Variants in TRHDE observed in about 807,000 individuals in gnomAD.
TRHDE encodes the protein thyrotropin-releasing hormone-degrading ectoenzyme.
TRHDE carries 72 observed loss-of-function variants against 125.7 expected under a neutral mutation model. That is an observed-to-expected ratio of 0.57 (90% CI 0.47 to 0.70). The LOEUF (loss-of-function observed/expected upper bound fraction) is 0.70, where lower values mean the gene tolerates loss of function less well. Ranked by LOEUF, TRHDE falls within the 30% of genes least tolerant of loss-of-function variation. The pLI, the probability that TRHDE is intolerant of heterozygous loss-of-function variation, is 0.00. For missense variants in TRHDE, 1,110 were observed against 1,327.1 expected (o/e 0.84, Z 2.54); for synonymous variants, 509 against 509.1 (o/e 1.00, Z 0.00).
intron 3 of TRHDE, among the ~76,000 whole-genome samples, chr12:72,468,211 C>T (rs1053003205): frequency 6.6e-6 from 1 of 152,132 alleles, no homozygotes; most frequent in African/African-American, 2.4e-5. Context: ...TGGTGTTATT[C>T]TACTTGTTTT....
chr12:72,573,506 T>C (rs1216706911), intron 10 of TRHDE, among the ~76,000 whole-genome samples: 1 of 151,880 alleles, frequency 6.6e-6, no homozygotes, highest in Non-Finnish European at 1.5e-5. Context: ...CATTGAATCA[T>C]AGATTTGGAA....
chr12:72,464,865 G>A (rs1388043994), intron 3 of TRHDE, among the ~76,000 whole-genome samples: 1 of 152,136 alleles, frequency 6.6e-6, no homozygotes, highest in African/African-American at 2.4e-5. Context: ...AGGCAAACAA[G>A]TAGAGCAAGT....
intron 12 of TRHDE, among the ~76,000 whole-genome samples, chr12:72,617,852 C>T (rs1438950925): frequency 6.6e-6 from 1 of 152,090 alleles, no homozygotes; most frequent in Non-Finnish European, 1.5e-5. Flanking sequence ...GGCACTAATC[C>T]CATTTGTGAA....
chr12:72,146,796 C>T (rs898102138), intron 2 of TRHDE, among the ~76,000 whole-genome samples: 10 of 152,248 alleles, frequency 6.6e-5, no homozygotes, highest in African/African-American at 2.4e-4. Context: ...GCCGGTATGA[C>T]TGCCTTCTGT....
At chr12:72,613,299 A>G (rs920598797) in intron 12 of TRHDE, among the ~76,000 whole-genome samples, 2 of 152,226 alleles carry the variant, frequency 1.3e-5, no homozygotes, top group African/African-American at 4.8e-5. Flanking sequence ...GCTGTTGTCT[A>G]GATAGCAGTG....
chr12:72,230,771 A>G (rs561215949), intron 2 of TRHDE, among the ~76,000 whole-genome samples: 1 of 152,202 alleles, frequency 6.6e-6, no homozygotes, highest in South Asian at 2.1e-4. Context: ...TTACTGTAAA[A>G]TTCCACTCCA....
Position 72,663,217 on chromosome 12 carries a change from C to T in TRHDE, c.*22C>T. On this transcript the variant is annotated 3_prime_UTR_variant, in exon 19 of 19. Transcript: ENST00000261180. Reference sequence around the variant, plus strand: ...CTAATATATGTATCTTATAAACAAACAATTCAACTCAGAAGTTTATGAGAA... The same window carrying T: ...CTAATATATGTATCTTATAAACAAATAATTCAACTCAGAAGTTTATGAGAA... 1.2e-5 allele frequency: 18 copies of T among 1,549,126 alleles called. No homozygotes were observed. Among genetic ancestry groups the T allele is most frequent in the Non-Finnish European group, 1.6e-5 (18 of 1,143,516 alleles).
chr12:72,605,844 G>T (rs1362892189), intron 12 of TRHDE, among the ~76,000 whole-genome samples: 1 of 152,026 alleles, frequency 6.6e-6, no homozygotes, highest in Non-Finnish European at 1.5e-5. Flanking sequence ...TCTTTGACGA[G>T]CTCTAATATC....
chr12:72,338,917 CTT>C (rs1869954865), intron 2 of TRHDE, among the ~76,000 whole-genome samples: 1 of 152,138 alleles, frequency 6.6e-6, no homozygotes, highest in Non-Finnish European at 1.5e-5. Context: ...AACGCTTTCT[CTT>C]TTGAAATTGG....
chr12:72,388,862 T>C (rs1872529921), intron 3 of TRHDE, among the ~76,000 whole-genome samples: 2 of 151,428 alleles, frequency 1.3e-5, no homozygotes, highest in Admixed American at 1.3e-4. Flanking sequence ...GTTTTTGCAA[T>C]TGGAAAATGA....
chr12:72,579,224 C>A (rs969518783), intron 12 of TRHDE, among the ~76,000 whole-genome samples: 29 of 151,798 alleles, frequency 1.9e-4, no homozygotes, highest in Admixed American at 1.8e-3. Context: ...TCCAATTTAA[C>A]CCTCCATCAA....
intron 2 of TRHDE, among the ~76,000 whole-genome samples, chr12:72,342,755 A>G (rs1051898684): frequency 2.0e-5 from 3 of 152,112 alleles, no homozygotes; most frequent in African/African-American, 7.2e-5. Context: ...CTTCACTATA[A>G]TGTTGTGTAA....
intron 5 of TRHDE, among the ~76,000 whole-genome samples, chr12:72,481,604 A>G (rs1013413264): frequency 1.2e-4 from 18 of 149,286 alleles, no homozygotes; most frequent in Admixed American, 8.0e-4. Context: ...TATTGGCTAG[A>G]TCACTGTTCA....
intron 3 of TRHDE, among the ~76,000 whole-genome samples, chr12:72,448,096 G>A (rs1875388464): frequency 6.6e-6 from 1 of 152,026 alleles, no homozygotes; most frequent in South Asian, 2.1e-4. Flanking sequence ...TTGAAAGCCT[G>A]TTTCACTATC....
intron 7 of TRHDE, among the ~76,000 whole-genome samples, chr12:72,553,580 A>G (rs536478360): frequency 6.6e-6 from 1 of 152,108 alleles, no homozygotes; most frequent in African/African-American, 2.4e-5. Context: ...AGTAGAGCTC[A>G]GTGAAAGACA....
intron 10 of TRHDE, among the ~76,000 whole-genome samples, chr12:72,571,615 A>C (rs1870735399): frequency 6.6e-6 from 1 of 152,184 alleles, no homozygotes; most frequent in African/African-American, 2.4e-5. Flanking sequence ...TGCAAATACC[A>C]AAAATTCAGA....
Position 72,286,842 on chromosome 12 carries a change from A to T in TRHDE, c.1076A>T (p.Asp359Val). Residue 359 changes from aspartate to valine, a missense_variant, in exon 2 of 19, where the codon GAT becomes GTT. Around this residue, in one of 5 missense-constraint regions of TRHDE, gnomAD observed 252 missense variants for 274.8 expected, o/e 0.92. Coordinates refer to ENST00000261180, the MANE Select transcript of TRHDE (RefSeq NM_013381.3). ...MPVETSVFEE[D>V]GWVTDHFSQT... ...GTGGAAACTTCCGTGTTTGAGGAAG[A>T]TGGATGGGTTACGGATCACTTTTCA... The T allele has an allele frequency of 1.2e-6, 2 of 1,613,910 alleles. No individual in the cohort carries two copies. The highest frequency in any genetic ancestry group is 8.5e-7 in the Non-Finnish European group (1 of 1,179,978).
intron 6 of TRHDE, among the ~76,000 whole-genome samples, chr12:72,501,958 A>G (rs1010398751): frequency 1.3e-5 from 2 of 152,202 alleles, no homozygotes; most frequent in African/African-American, 4.8e-5. Flanking sequence ...ATTGACATAA[A>G]GTTTTACAGG....
At chr12:72,602,586 T>C (rs1457082572) in intron 12 of TRHDE, among the ~76,000 whole-genome samples, 2 of 152,096 alleles carry the variant, frequency 1.3e-5, no homozygotes, top group East Asian at 3.9e-4. Flanking sequence ...GCAGAAGTGG[T>C]GGGCTGGAGA....
Sources: allele counts gnomAD v4.1 joint callset (sites outside exome capture counted in the v4.1 genomes callset), GRCh38; gene constraint gnomAD v4.1.1; regional missense constraint gnomAD v4.1.1; transcripts MANE v1.5; gene names NCBI Gene and HGNC (gene_info 2026-07-23, HGNC 2026-07-21).